KANSL1: variants seen among roughly 807,000 people sequenced by gnomAD.
KANSL1 encodes the protein MLL1/MLL complex subunit KANSL1.
Under a neutral mutation model 103.6 loss-of-function variants are expected in KANSL1, and 22 were observed. That is an observed-to-expected ratio of 0.21 (90% CI 0.15 to 0.30). KANSL1 has a LOEUF of 0.30. Among genes scored for constraint, KANSL1 ranks in the 10% least tolerant of loss-of-function variants. The pLI, the probability that KANSL1 is intolerant of heterozygous loss-of-function variation, is 1.00. For missense variants in KANSL1, 1,337 were observed against 1,399.8 expected (o/e 0.96, Z 0.72); for synonymous variants, 600 against 527.6 (o/e 1.14, Z -1.88).
At chr17:46,084,922 C>T (rs2079110219) in intron 3 of KANSL1, among the ~76,000 whole-genome samples, 1 of 152,124 alleles carries the variant, frequency 6.6e-6, no homozygotes, top group African/African-American at 2.4e-5. Flanking sequence ...AGACAGTTAT[C>T]TTGTACACCA....
In KANSL1 at chr17:46,089,147, G is replaced by A. The variant is rs1400167280; in HGVS notation, c.1431+5413C>T. On this transcript the variant is annotated intron_variant, in intron 3 of 14. Coordinates refer to ENST00000432791, the MANE Select transcript of KANSL1 (RefSeq NM_015443.4). ...CACTCAAGGTACGTATATTGTTTTC[G>A]TTTCTCCTTCTAAAGCATGGAAGAG... 3.9e-5 allele frequency among the ~76,000 whole-genome samples: 6 copies of A among 152,214 alleles called. No homozygotes were observed. In the South Asian group the frequency reaches 1.0e-3, roughly 26 times the overall value.
At chr17:46,136,708 C>CATTT (rs1164766554) in intron 2 of KANSL1, among the ~76,000 whole-genome samples, 1 of 152,174 alleles carries the variant, frequency 6.6e-6, no homozygotes, top group African/African-American at 2.4e-5. Context: ...GAGGAAAACT[C>CATTT]ATTTTATTAA....
At chr17:46,117,015 T>G (rs17577447) in intron 2 of KANSL1, among the ~76,000 whole-genome samples, 1 of 152,136 alleles carries the variant, frequency 6.6e-6, no homozygotes. Flanking sequence ...AAAAAAATTT[T>G]TATGAGGGAA....
chr17:46,125,218 A>G (rs1210940860), intron 2 of KANSL1, among the ~76,000 whole-genome samples: 2 of 152,206 alleles, frequency 1.3e-5, no homozygotes, highest in Non-Finnish European at 2.9e-5. Flanking sequence ...CCAGCAAAAA[A>G]GATTATGACT....
intron 2 of KANSL1, among the ~76,000 whole-genome samples, chr17:46,117,212 T>C (rs543587821): frequency 1.3e-5 from 2 of 152,294 alleles, no homozygotes; most frequent in South Asian, 2.1e-4. Flanking sequence ...GCACAGAGAC[T>C]TCATGTTAAG....
rs1262757908 is a variant in KANSL1 at position 46,034,289 on chromosome 17, T to C, written c.2542-4A>G. 6 of 1,613,284 alleles carry C rather than the reference T, an allele frequency of 3.7e-6. No individual in the cohort carries two copies. The highest frequency in any genetic ancestry group is 1.3e-5 in the African/African-American group (1 of 74,956). ...TTCTCCTCCTTACTGGCTGCTGCTG[T>C]AAGATAAAAATTAAGTTTAAAAGGA... On this transcript the variant is annotated splice_region_variant and splice_polypyrimidine_tract_variant and intron_variant, in intron 10 of 14. Transcript: ENST00000432791.
chr17:46,143,981 G>A (rs1327826091), intron 2 of KANSL1, among the ~76,000 whole-genome samples: 1 of 152,132 alleles, frequency 6.6e-6, no homozygotes. Context: ...CCAAACAAAG[G>A]GAGTATTTTC....
intron 2 of KANSL1, among the ~76,000 whole-genome samples, chr17:46,105,835 T>C (rs1169556621): frequency 1.3e-5 from 2 of 150,500 alleles, no homozygotes; most frequent in Non-Finnish European, 1.5e-5. Context: ...TGCGCCACTG[T>C]ACTCCAGCCT....
chr17:46,033,577 C>A, intron 11 of KANSL1, 117 bp from the exon 12 acceptor site: 1 of 822,250 alleles, frequency 1.2e-6, no homozygotes. Context: ...TGCTCTCTGC[C>A]GGGTAGGCTC....
At chr17:46,149,307 T>C (rs1184248587) in intron 2 of KANSL1, among the ~76,000 whole-genome samples, 1 of 152,242 alleles carries the variant, frequency 6.6e-6, no homozygotes, top group Non-Finnish European at 1.5e-5. Flanking sequence ...AGCCTGCCTC[T>C]TTTTTTCTAC....
At chr17:46,117,548 T>C (rs1429704143) in intron 2 of KANSL1, among the ~76,000 whole-genome samples, 1 of 152,220 alleles carries the variant, frequency 6.6e-6, no homozygotes, top group African/African-American at 2.4e-5. Flanking sequence ...GGATATCCTA[T>C]TCATGAATAG....
chr17:46,149,890 C>T (rs1418560163), intron 2 of KANSL1, among the ~76,000 whole-genome samples: 1 of 151,454 alleles, frequency 6.6e-6, no homozygotes, highest in Non-Finnish European at 1.5e-5. Context: ...GGTGTGGTGG[C>T]GGGCGCCTGT....
intron 2 of KANSL1, among the ~76,000 whole-genome samples, chr17:46,120,275 C>T (rs1420169788): frequency 1.3e-5 from 2 of 152,174 alleles, no homozygotes; most frequent in Non-Finnish European, 2.9e-5. Context: ...GTGAGTTTCA[C>T]TCTAGGATCA....
chr17:46,039,087 C>G lies in KANSL1; in HGVS notation c.2332G>C (p.Val778Leu), dbSNP rs1472029797. Reference protein sequence around the residue: ...AERLLNPPPPVHDPNHSKMRL... With the variant: ...AERLLNPPPPLHDPNHSKMRL... ...ATTTTGCTGTGGTTTGGGTCATGCACGGGTGGTGGTGGGTTGAGCAAGCGC... is the reference window on the plus strand; with the variant it reads ...ATTTTGCTGTGGTTTGGGTCATGCAGGGGTGGTGGTGGGTTGAGCAAGCGC... Residue 778 changes from valine to leucine, a missense_variant, in exon 9 of 15, where the codon GTG becomes CTG. Physicochemically the swap from Val to Leu is conservative, Grantham distance 32. Around this residue, in one of 2 missense-constraint regions of KANSL1, gnomAD observed 780 missense variants for 923.4 expected, o/e 0.84. Coordinates refer to ENST00000432791, the MANE Select transcript of KANSL1 (RefSeq NM_015443.4). 6.2e-7 allele frequency: 1 copy of G among 1,612,268 alleles called. No homozygotes were observed. Among genetic ancestry groups the G allele is most frequent in the Non-Finnish European group, 8.5e-7 (1 of 1,179,762 alleles).
chr17:46,062,503 C>T (rs2078214476), intron 6 of KANSL1, among the ~76,000 whole-genome samples: 1 of 151,354 alleles, frequency 6.6e-6, no homozygotes, highest in Admixed American at 6.6e-5. Context: ...GGATTACAGG[C>T]ACGTGCCACC....
intron 2 of KANSL1, among the ~76,000 whole-genome samples, chr17:46,138,050 A>AG (rs369585371): frequency 0.14 from 21,951 of 152,134 alleles, 2,143 homozygotes; most frequent in Non-Finnish European, 0.22. Context: ...GCCCTACACC[A>AG]TCAAGTTAGC....
At chr17:46,111,798 T>A (rs2042820760) in intron 2 of KANSL1, among the ~76,000 whole-genome samples, 1 of 152,164 alleles carries the variant, frequency 6.6e-6, no homozygotes, top group South Asian at 2.1e-4. Flanking sequence ...CACACAAAAA[T>A]AAATCTAAAG....
At chr17:46,113,135 T>C (rs796098737) in intron 2 of KANSL1, among the ~76,000 whole-genome samples, 8 of 152,312 alleles carry the variant, frequency 5.3e-5, no homozygotes, top group African/African-American at 1.9e-4. Context: ...GGGGGGATGG[T>C]ACTTGGTAGA....
intron 2 of KANSL1, among the ~76,000 whole-genome samples, chr17:46,146,757 C>T (rs1468612929): frequency 1.9e-5 from 2 of 105,898 alleles, no homozygotes; most frequent in Non-Finnish European, 4.8e-5. Flanking sequence ...GGCGTGAACC[C>T]GGGAGGCGGA....
Sources: allele counts gnomAD v4.1 joint callset (sites outside exome capture counted in the v4.1 genomes callset), GRCh38; gene constraint gnomAD v4.1.1; regional missense constraint gnomAD v4.1.1; transcripts MANE v1.5; gene names NCBI Gene and HGNC (gene_info 2026-07-23, HGNC 2026-07-21).